IGSF21: variants seen among roughly 807,000 people sequenced by gnomAD.
IGSF21 encodes the protein immunoglobulin superfamily member 21.
In IGSF21, 28 loss-of-function variants were observed where a neutral mutation model predicts 46.8. The observed-to-expected ratio is 0.60, with a 90% CI of 0.44 to 0.82. IGSF21 has a LOEUF of 0.82. Among genes scored for constraint, IGSF21 ranks in the 40% least tolerant of loss-of-function variants. The probability of loss-of-function intolerance (pLI) is 0.00; values close to 1 mark genes in which losing one functional copy is unlikely to be tolerated. For synonymous variants in IGSF21, 284 were observed against 273.6 expected, an observed-to-expected ratio of 1.04 and a Z score of -0.38; for missense variants, 624 against 665.5, an observed-to-expected ratio of 0.94 and a Z score of 0.69.
chr1:18,370,997 A>G (rs939294676), intron 6 of IGSF21, among the ~76,000 whole-genome samples: 2 of 152,236 alleles, frequency 1.3e-5, no homozygotes, highest in Admixed American at 1.3e-4. Flanking sequence ...TGGTACTACT[A>G]CTTTGAAAAA....
At chr1:18,241,047 G>T (rs913644289) in intron 2 of IGSF21, among the ~76,000 whole-genome samples, 1 of 152,196 alleles carries the variant, frequency 6.6e-6, no homozygotes, top group African/African-American at 2.4e-5. Flanking sequence ...AAGCAGACAT[G>T]TGTGGCTGTA....
chr1:18,273,504 CTTTCTTTCTTTCT>C, intron 2 of IGSF21, among the ~76,000 whole-genome samples: 1 of 62,856 alleles, frequency 1.6e-5, no homozygotes, highest in African/African-American at 5.6e-5. Flanking sequence ...TTCTTTCTTT[CTTTCTTTCTTTCT>C]TTCGTCTTTC....
intron 3 of IGSF21, among the ~76,000 whole-genome samples, chr1:18,301,118 A>C (rs1460372739): frequency 6.6e-6 from 1 of 152,192 alleles, no homozygotes; most frequent in Non-Finnish European, 1.5e-5. Context: ...CAGATCTCAG[A>C]CTCATTGAAT....
In IGSF21 at chr1:18,376,825, T is replaced by A; in HGVS notation, c.1127T>A (p.Phe376Tyr). The A allele has an allele frequency of 1.2e-6, 2 of 1,601,062 alleles. No individual in the cohort carries two copies. The highest frequency in any genetic ancestry group is 1.7e-6 in the Non-Finnish European group (2 of 1,169,964). ...AACGAAGTCTTCCCGGAGCCCATGT[T>A]CACGTGGACGCGGGTTGGGAGCCGC... ...FQNEVFPEPM[F>Y]TWTRVGSRLL... The change falls in exon 8 of 10, where the codon TTC becomes TAC. Residue 376 changes from phenylalanine to tyrosine, a missense_variant. Transcript: ENST00000251296.
intron 9 of IGSF21, 102 bp downstream of exon 9, chr1:18,377,533 T>G: frequency 1.1e-6 from 1 of 923,092 alleles, no homozygotes; most frequent in Non-Finnish European, 1.8e-6. Flanking sequence ...CCCTTGCCAC[T>G]CCCTGACACC....
At chr1:18,355,427 G>A in intron 4 of IGSF21, among the ~76,000 whole-genome samples, 1 of 152,144 alleles carries the variant, frequency 6.6e-6, no homozygotes. Context: ...TCCCTGTGTC[G>A]ATGTTAACTG....
chr1:18,261,608 G>A (rs2084947406), intron 2 of IGSF21, among the ~76,000 whole-genome samples: 1 of 152,250 alleles, frequency 6.6e-6, no homozygotes, highest in African/African-American at 2.4e-5. Flanking sequence ...TCTGAGCTAT[G>A]ACTCTCGGTG....
chr1:18,199,374 C>G (rs1009575110), intron 1 of IGSF21, among the ~76,000 whole-genome samples: 1 of 152,190 alleles, frequency 6.6e-6, no homozygotes, highest in South Asian at 2.1e-4. Context: ...ACAAAAGATG[C>G]ACCTGGCTCA....
intron 1 of IGSF21, among the ~76,000 whole-genome samples, chr1:18,142,531 C>T (rs775231840): frequency 7.9e-5 from 12 of 152,182 alleles, no homozygotes; most frequent in Non-Finnish European, 1.2e-4. Flanking sequence ...GGCCCTCGGG[C>T]CCTCCCTGCC....
chr1:18,187,080 A>AT (rs565249264), intron 1 of IGSF21, among the ~76,000 whole-genome samples: 1,539 of 148,826 alleles, frequency 0.01, 12 homozygotes, highest in African/African-American at 0.016. Flanking sequence ...ACTATAGATT[A>AT]TTTTTTTTTT....
At chr1:18,358,517 C>G (rs570758548) in intron 4 of IGSF21, among the ~76,000 whole-genome samples, 1 of 152,330 alleles carries the variant, frequency 6.6e-6, no homozygotes, top group African/African-American at 2.4e-5. Context: ...AGTGGCTGCT[C>G]TACGGGACAG....
chr1:18,255,377 G>A (rs889513451), intron 2 of IGSF21, among the ~76,000 whole-genome samples: 1 of 152,150 alleles, frequency 6.6e-6, no homozygotes, highest in African/African-American at 2.4e-5. Context: ...CTTGTGCAGA[G>A]AGATGTGCCC....
chr1:18,234,707 A>G (rs1470719207), intron 2 of IGSF21, among the ~76,000 whole-genome samples: 1 of 152,170 alleles, frequency 6.6e-6, no homozygotes, highest in East Asian at 1.9e-4. Flanking sequence ...ACTCACTATC[A>G]TGAGAACAGC....
chr1:18,201,983 T>C (rs1320381453), intron 1 of IGSF21, among the ~76,000 whole-genome samples: 1 of 152,220 alleles, frequency 6.6e-6, no homozygotes, highest in Non-Finnish European at 1.5e-5. Context: ...CTCCCTCTAG[T>C]TGCCCCAAAA....
chr1:18,147,111 G>T (rs998742424), intron 1 of IGSF21, among the ~76,000 whole-genome samples: 16 of 152,170 alleles, frequency 1.1e-4, no homozygotes, highest in Admixed American at 3.9e-4. Flanking sequence ...GCCTGCCATA[G>T]CCTCCCTGCT....
intron 1 of IGSF21, among the ~76,000 whole-genome samples, chr1:18,181,190 C>A (rs888707582): frequency 6.6e-6 from 1 of 152,158 alleles, no homozygotes; most frequent in Non-Finnish European, 1.5e-5. Context: ...GGTCGTGCGG[C>A]GGATGTGTTC....
At chr1:18,211,230 T>A (rs2084388613) in intron 1 of IGSF21, among the ~76,000 whole-genome samples, 2 of 152,186 alleles carry the variant, frequency 1.3e-5, no homozygotes, top group Admixed American at 1.3e-4. Context: ...CCTGGGCCAG[T>A]CGGGCTGTTG....
chr1:18,211,361 G>A (rs1375355090), intron 1 of IGSF21, among the ~76,000 whole-genome samples: 6 of 152,226 alleles, frequency 3.9e-5, no homozygotes, highest in Non-Finnish European at 8.8e-5. Flanking sequence ...ATTTAAAACT[G>A]ATGCAAATCC....
chr1:18,227,571 G>A (rs1236165940), intron 1 of IGSF21, among the ~76,000 whole-genome samples: 2 of 151,878 alleles, frequency 1.3e-5, no homozygotes, highest in Non-Finnish European at 2.9e-5. Flanking sequence ...ATACATTGAG[G>A]CTGTTCTTGG....
Sources: allele counts gnomAD v4.1 joint callset (sites outside exome capture counted in the v4.1 genomes callset), GRCh38; gene constraint gnomAD v4.1.1; transcripts MANE v1.5; gene names NCBI Gene and HGNC (gene_info 2026-07-23, HGNC 2026-07-21).